Variants in TOM1L1 observed in about 807,000 individuals in gnomAD.
The protein encoded by TOM1L1 is TOM1-like protein 1.
A neutral mutation model predicts 63.4 loss-of-function variants in TOM1L1; 64 were observed. That is an observed-to-expected ratio of 1.01 (90% confidence interval 0.83 to 1.24). The LOEUF is 1.24. TOM1L1 is among the 50% of genes most tolerant of loss of function. The pLI, the probability that TOM1L1 is intolerant of heterozygous loss-of-function variation, is 0.00. For missense variants in TOM1L1, 536 were observed against 567.0 expected (o/e 0.95, Z 0.55); for synonymous variants, 166 against 194.4 (o/e 0.85, Z 1.22).
rs1014161678 is a variant in TOM1L1 at position 54,941,184 on chromosome 17, T to G, written c.1130+2164T>G. ...TCACTGTGTTCTGAACCTTTTGTTT[T>G]TCACTTAACATACTTTGGCAGTGTG... On this transcript the variant is annotated intron_variant, in intron 11 of 15. Coordinates refer to ENST00000575882, the MANE Select transcript of TOM1L1 (RefSeq NM_005486.3). Among the ~76,000 whole-genome samples the G allele has an allele frequency of 5.9e-5, 9 of 152,362 alleles. No individual in the cohort carries two copies. In the East Asian group the frequency reaches 1.7e-3, roughly 29 times the overall value.
chr17:54,951,614 G>T (rs963389112), intron 14 of TOM1L1, among the ~76,000 whole-genome samples: 1 of 152,220 alleles, frequency 6.6e-6, no homozygotes, highest in Non-Finnish European at 1.5e-5. Flanking sequence ...TGGGAGTTGT[G>T]AGCCAGGAAC....
intron 8 of TOM1L1, among the ~76,000 whole-genome samples, chr17:54,934,933 G>T (rs2048922626): frequency 6.6e-6 from 1 of 152,202 alleles, no homozygotes; most frequent in Non-Finnish European, 1.5e-5. Flanking sequence ...GCCCAGGCTG[G>T]GCTCAAACTC....
intron 1 of TOM1L1, among the ~76,000 whole-genome samples, chr17:54,902,643 A>C (rs35168324): frequency 0.084 from 12,727 of 152,314 alleles, 693 homozygotes; most frequent in East Asian, 0.12. Context: ...GGGTTCCCCC[A>C]AGCAAGTCCT....
At chr17:54,953,922 C>G (rs1567844883) in intron 14 of TOM1L1, 1 of 152,130 alleles carries the variant, frequency 6.6e-6, no homozygotes, top group Non-Finnish European at 1.5e-5. Flanking sequence ...TGGAGGCATT[C>G]TTATTATCAA....
chr17:54,940,281 G>A (rs974511644), intron 11 of TOM1L1, among the ~76,000 whole-genome samples: 3 of 152,160 alleles, frequency 2.0e-5, no homozygotes, highest in African/African-American at 7.2e-5. Context: ...TACTTATAGA[G>A]AAATGTCAAT....
chr17:54,943,530 C>A (rs1394026061), intron 11 of TOM1L1, among the ~76,000 whole-genome samples: 1 of 142,046 alleles, frequency 7.0e-6, no homozygotes, highest in African/African-American at 2.6e-5. Context: ...TGATTCTTTT[C>A]CTGTTATTTT....
chr17:54,914,840 T>C (rs2048560864), intron 6 of TOM1L1, 97 bp downstream of exon 6: 1 of 932,088 alleles, frequency 1.1e-6, no homozygotes, highest in Admixed American at 1.7e-5. Context: ...CATTGAGATG[T>C]AGGTACACTC....
chr17:54,941,891 G>A (rs779924629), intron 11 of TOM1L1, among the ~76,000 whole-genome samples: 2 of 152,092 alleles, frequency 1.3e-5, no homozygotes, highest in Non-Finnish European at 2.9e-5. Flanking sequence ...ACCAAGATTC[G>A]AGGGCGTATA....
In TOM1L1 at chr17:54,930,014, G is replaced by T; in HGVS notation, c.721-59G>T. ...TAGGTATGCGCAGATTGGTGAGTCA[G>T]ATGTCTTTATAGAATGTTCCAAGTG... is the stretch of plus-strand genomic sequence containing the variant. On this transcript the variant is annotated intron_variant, in intron 7 of 15. Coordinates refer to ENST00000575882, the MANE Select transcript of TOM1L1 (RefSeq NM_005486.3). 1.9e-6 allele frequency: 3 copies of T among 1,608,116 alleles called. No individual in the cohort carries two copies. In the South Asian group the frequency reaches 3.3e-5, roughly 18 times the overall value.
rs2049188436 is a variant in TOM1L1 at position 54,950,012 on chromosome 17, AAT to A, written c.1289-30_1289-29del. 1.9e-6 allele frequency: 3 copies of A among 1,561,658 alleles called. 1 individual carries two copies. Among genetic ancestry groups the A allele is most frequent in the Middle Eastern group, 3.4e-4 (2 of 5,936 alleles). ...ATTGCGTGTACTCCTCAAAAAGCAC[AAT>A]ATGTTTACTGGTCTCTTTTTTTGCC... On this transcript the variant is annotated intron_variant, in intron 13 of 15. Coordinates refer to ENST00000575882, the MANE Select transcript of TOM1L1 (RefSeq NM_005486.3).
chr17:54,908,214 A>G (rs1304645227), intron 3 of TOM1L1, among the ~76,000 whole-genome samples: 1 of 152,222 alleles, frequency 6.6e-6, no homozygotes, highest in Non-Finnish European at 1.5e-5. Context: ...CCTTGGGGTC[A>G]CAGTACATTA....
chr17:54,910,814 G>A (rs1191748858), intron 3 of TOM1L1, among the ~76,000 whole-genome samples: 3 of 152,032 alleles, frequency 2.0e-5, no homozygotes, highest in Non-Finnish European at 4.4e-5. Context: ...TTATTTCTTG[G>A]TCACAGTGCC....
At position 54,936,421 on chromosome 17, in the gene TOM1L1, G is replaced by T. The variant is rs887328156; in HGVS notation, c.855-228G>T. On this transcript the variant is annotated intron_variant, in intron 8 of 15. Coordinates refer to ENST00000575882, the MANE Select transcript of TOM1L1 (RefSeq NM_005486.3). ...AATGTTAATAGATTTAACAATTTCT[G>T]GGTGATGAGTTTTTTTTAAATACTT... 23 of 403,054 alleles carry T rather than the reference G, an allele frequency of 5.7e-5. No homozygotes were observed. The Admixed American group carries it at 6.1e-4, about 11-fold the overall frequency. 25.0% of individuals were successfully genotyped at this position (403,054 alleles called of 1,614,324 possible). A position where few individuals can be genotyped will look rare whatever the true frequency, so the allele number is the denominator to read the frequency against.
At chr17:54,936,825 G>C (rs76481432) in intron 9 of TOM1L1, 116 bp downstream of exon 9, 2 of 912,028 alleles carry the variant, frequency 2.2e-6, no homozygotes, top group African/African-American at 3.4e-5. Context: ...TCATAATTTG[G>C]AGTGGTTTTA....
chr17:54,933,715 G>A (rs1311767216), intron 8 of TOM1L1, among the ~76,000 whole-genome samples: 1 of 152,150 alleles, frequency 6.6e-6, no homozygotes, highest in East Asian at 1.9e-4. Flanking sequence ...TAGAGACGGG[G>A]TTTCACTATG....
intron 1 of TOM1L1, 183 bp downstream of exon 1, chr17:54,901,106 GC>G: frequency 1.3e-6 from 1 of 776,584 alleles, no homozygotes; most frequent in Non-Finnish European, 2.1e-6. Flanking sequence ...TTCCTTCTTG[GC>G]CAACTCACTG....
chr17:54,921,194 C>T (rs1314964728), intron 7 of TOM1L1, among the ~76,000 whole-genome samples: 2 of 152,220 alleles, frequency 1.3e-5, no homozygotes, highest in South Asian at 4.1e-4. Context: ...GTCTTTAGAT[C>T]TTATTTGGTT....
chr17:54,937,086 T>G (rs2048960396), intron 9 of TOM1L1, 23 bp from the exon 10 acceptor site: 1 of 1,567,638 alleles, frequency 6.4e-7, no homozygotes, highest in African/African-American at 1.4e-5. Flanking sequence ...TGACACTTTT[T>G]TTTTTTTTTG....
At position 54,961,795 on chromosome 17, in the gene TOM1L1, T is replaced by A. The variant is rs530926770; in HGVS notation, c.*562T>A. The A allele has an allele frequency of 6.1e-6, 6 of 988,190 alleles. No individual in the cohort carries two copies. In the African/African-American group the frequency reaches 8.7e-5, roughly 14 times the overall value. 61.2% of individuals were successfully genotyped at this position (988,190 alleles called of 1,614,324 possible). A position where few individuals can be genotyped will look rare whatever the true frequency, so the allele number is the denominator to read the frequency against. On this transcript the variant is annotated 3_prime_UTR_variant, in exon 16 of 16. Transcript: ENST00000575882. The stretch of plus-strand genomic sequence containing the variant: ...ATTTCAGGTGTCCTGAACAGGTCAC[T>A]AGACTCTACATTGGGCAGCCTTTAA...
Sources: allele counts gnomAD v4.1 joint callset (sites outside exome capture counted in the v4.1 genomes callset), GRCh38; gene constraint gnomAD v4.1.1; transcripts MANE v1.5; gene names NCBI Gene and HGNC (gene_info 2026-07-23, HGNC 2026-07-21).